Variants in LYST observed in about 807,000 individuals in gnomAD.
LYST encodes the protein lysosomal-trafficking regulator.
Under a neutral mutation model 413.6 loss-of-function variants are expected in LYST, and 192 were observed. That is an observed-to-expected ratio of 0.46 (90% confidence interval 0.41 to 0.52). The LOEUF (loss-of-function observed/expected upper bound fraction) is 0.52. LYST is among the 20% of genes least tolerant of loss of function. The pLI is 0.00. For synonymous variants in LYST, 1,525 were observed against 1,567.3 expected, an observed-to-expected ratio of 0.97 and a Z score of 0.64; for missense variants, 3,815 against 4,499.9, an observed-to-expected ratio of 0.85 and a Z score of 4.35.
chr1:235,817,168 A>G (rs953190077), intron 3 of LYST, among the ~76,000 whole-genome samples: 1 of 152,178 alleles, frequency 6.6e-6, no homozygotes, highest in Admixed American at 6.5e-5. Context: ...AACCACAATG[A>G]GATACCATCT....
intron 22 of LYST, among the ~76,000 whole-genome samples, chr1:235,761,655 G>A (rs1271860574): frequency 6.6e-6 from 1 of 151,998 alleles, no homozygotes; most frequent in Non-Finnish European, 1.5e-5. Context: ...ATAGGCTAAG[G>A]GGACAAGGAA....
intron 3 of LYST, chr1:235,828,137 T>C: frequency 1.0e-6 from 1 of 963,176 alleles, no homozygotes; most frequent in Non-Finnish European, 1.2e-6. Flanking sequence ...AAAAGAAAAA[T>C]TATTGCTGCT....
chr1:235,769,899 C>A (rs1386601451), intron 20 of LYST, among the ~76,000 whole-genome samples: 2 of 151,890 alleles, frequency 1.3e-5, no homozygotes, highest in Non-Finnish European at 2.9e-5. Flanking sequence ...TTATTCTATC[C>A]CAACATAAAG....
chr1:235,832,364 T>C (rs932940700), intron 2 of LYST, among the ~76,000 whole-genome samples: 4 of 152,170 alleles, frequency 2.6e-5, no homozygotes, highest in African/African-American at 9.7e-5. Context: ...ATGGGAATAA[T>C]TAAGTCTATC....
In LYST at chr1:235,677,550, C is replaced by T. The variant is rs776033238; in HGVS notation, c.10870G>A (p.Val3624Ile). 18 of 1,613,020 alleles carry T rather than the reference C, an allele frequency of 1.1e-5. No homozygotes were observed. Among genetic ancestry groups the T allele is most frequent in the African/African-American group, 2.7e-5 (2 of 74,894 alleles). The change falls in exon 49 of 53, where the codon GTT becomes ATT. Residue 3624 changes from valine to isoleucine, a missense_variant. By Grantham distance (29) the Val-to-Ile change is conservative. This residue lies in a region of LYST where 866 missense variants were observed against 1,156.0 expected (regional missense o/e 0.75). Transcript: ENST00000389793. The stretch of plus-strand genomic sequence containing the variant: ...ATCAGTATACTGTATGGTTTGCAAA[C>T]AAATAAGCTGGTTATCTCTTCTGTG... ...GHTEEITSLF[V>I]CKPYSILISV...
intron 4 of LYST, among the ~76,000 whole-genome samples, chr1:235,811,700 TA>T (rs1383160763): frequency 6.6e-6 from 1 of 151,946 alleles, no homozygotes. Context: ...AATCTGTAAA[TA>T]AAAAAATCTG....
Position 235,720,777 on chromosome 1 carries a change from G to A in LYST, c.9444C>T (p.His3148=). Residue 3148 remains histidine, a synonymous_variant, in exon 40 of 53, where the codon CAC becomes CAT. Coordinates refer to ENST00000389793, the MANE Select transcript of LYST (RefSeq NM_000081.4). ...GQITNFEYLT[H]LNKHAGRSFN... ...AGGATCGGCCAGCATGTTTGTTTAA[G>A]TGAGTCAAATATTCAAAATTAGTAA... 1 of 1,614,124 alleles carries A rather than the reference G, an allele frequency of 6.2e-7. No individual in the cohort carries two copies. The highest frequency in any genetic ancestry group is 8.5e-7 in the Non-Finnish European group (1 of 1,179,996).
In LYST at chr1:235,753,091, G is replaced by A. The variant is rs1470568633; in HGVS notation, c.7413C>T (p.Leu2471=). Residue 2471 remains leucine, a synonymous_variant, in exon 26 of 53, where the codon CTC becomes CTT. Transcript: ENST00000389793. ...CTGCTACTGTATTACATAACACATA[G>A]AGTAGACCATTATCCAGCAACATAT... ...VADMLLDNGL[L]YVLCNTVAAL... The A allele has an allele frequency of 4.4e-6, 7 of 1,606,014 alleles. No homozygotes were observed. In the South Asian group the frequency reaches 6.6e-5, roughly 15 times the overall value.
At chr1:235,780,401 C>A in intron 16 of LYST, among the ~76,000 whole-genome samples, 1 of 149,456 alleles carries the variant, frequency 6.7e-6, no homozygotes, top group African/African-American at 2.5e-5. Context: ...GAAATCCTGT[C>A]TCTTAAAAAA....
At position 235,788,851 on chromosome 1, in the gene LYST, A is replaced by C; in HGVS notation, c.4544-6T>G. 6.2e-7 allele frequency: 1 copy of C among 1,613,334 alleles called. No individual in the cohort carries two copies. The highest frequency in any genetic ancestry group is 1.1e-5 in the South Asian group (1 of 91,076). On this transcript the variant is annotated splice_region_variant and splice_polypyrimidine_tract_variant and intron_variant, in intron 12 of 52. Coordinates refer to ENST00000389793, the MANE Select transcript of LYST (RefSeq NM_000081.4). ...ACCTTCTGGTCTGTCGCTCTCTATA[A>C]GAAAAAGATGTTAGAATGATCAGTA...
chr1:235,825,055 C>A (rs114711880), intron 3 of LYST, among the ~76,000 whole-genome samples: 3,436 of 151,752 alleles, frequency 0.023, 127 homozygotes, highest in African/African-American at 0.079. Flanking sequence ...ACAACAACAA[C>A]AAAAACGATC....
intron 48 of LYST, among the ~76,000 whole-genome samples, chr1:235,682,808 A>G (rs893411065): frequency 1.3e-5 from 2 of 152,120 alleles, no homozygotes; most frequent in African/African-American, 2.4e-5. Flanking sequence ...TTTTCCACAC[A>G]TGCTTTGTTT....
chr1:235,866,312 A>G (rs775534030), intron 1 of LYST, among the ~76,000 whole-genome samples: 4 of 152,122 alleles, frequency 2.6e-5, no homozygotes, highest in Admixed American at 6.5e-5. Flanking sequence ...GAGCGGACCG[A>G]GGCGCACGGT....
intron 39 of LYST, 95 bp from the exon 40 acceptor site, chr1:235,721,000 A>T: frequency 7.9e-7 from 1 of 1,260,314 alleles, no homozygotes; most frequent in Non-Finnish European, 1.1e-6. Context: ...ACATGTTACA[A>T]ATCTCATGTC....
chr1:235,738,346 C>T (rs112501464), intron 31 of LYST: 2 of 1,612,084 alleles, frequency 1.2e-6, no homozygotes, highest in African/African-American at 1.3e-5. Context: ...ATGTGAACAT[C>T]TTTAAATTCA....
At chr1:235,857,136 G>A (rs1679281774) in intron 1 of LYST, among the ~76,000 whole-genome samples, 1 of 151,884 alleles carries the variant, frequency 6.6e-6, no homozygotes, top group Non-Finnish European at 1.5e-5. Context: ...TAGTAGAGAT[G>A]GGGTTTCACC....
rs1328131198 is a variant in LYST at position 235,787,370 on chromosome 1, C to T, written c.4692G>A (p.Val1564=). The change falls in exon 14 of 53, where the codon GTG becomes GTA. Residue 1564 remains valine, a synonymous_variant. Coordinates refer to ENST00000389793, the MANE Select transcript of LYST (RefSeq NM_000081.4). Reference sequence around the variant, plus strand: ...TCATGTCATCATTTGAATCCATGCACACACTACAGAAAAAGAGAAAAGGCA... The same window carrying T: ...TCATGTCATCATTTGAATCCATGCATACACTACAGAAAAAGAGAAAAGGCA... ...DPHNATLIFR[V]CMDSNDDMKA... The T allele has an allele frequency of 1.2e-6, 2 of 1,613,256 alleles. No homozygotes were observed. Among genetic ancestry groups the T allele is most frequent in the Non-Finnish European group, 1.7e-6 (2 of 1,179,524 alleles).
In LYST at chr1:235,674,773, C is replaced by G. The variant is rs1372497128; in HGVS notation, c.11038+2318G>C. On this transcript the variant is annotated intron_variant, in intron 50 of 52. Transcript: ENST00000389793. This position sits in a 1 kb window ranked among gnomAD's most constrained non-coding sequence, Gnocchi z 4.1. ...TGTACTTTTATCCCTAACAACACAGCCCCCAGTAAAACAATCACAAAAGCC... is the reference window on the plus strand; with the variant it reads ...TGTACTTTTATCCCTAACAACACAGGCCCCAGTAAAACAATCACAAAAGCC... Among the ~76,000 whole-genome samples, 3 of 152,126 alleles carry G rather than the reference C, an allele frequency of 2.0e-5. No individual in the cohort carries two copies. In the East Asian group the frequency reaches 5.8e-4, roughly 29 times the overall value.
intron 47 of LYST, among the ~76,000 whole-genome samples, chr1:235,688,968 A>G (rs945943256): frequency 3.3e-5 from 5 of 149,602 alleles, no homozygotes; most frequent in Non-Finnish European, 5.9e-5. Context: ...CTGGCAACAG[A>G]GTGAGACTCC....
Sources: gnomAD v4.1 joint callset for allele counts (sites outside exome capture counted in the v4.1 genomes callset) on GRCh38, gnomAD v4.1.1 for gene constraint, gnomAD v4.1.1 regional missense constraint, Gnocchi (gnomAD v3.1) non-coding constraint, MANE v1.5 for transcripts, NCBI Gene and HGNC (gene_info 2026-07-23, HGNC 2026-07-21) for gene names.